GRIP1: variants seen among roughly 807,000 people sequenced by gnomAD.
GRIP1 encodes glutamate receptor-interacting protein 1.
Under a neutral mutation model 129.9 loss-of-function variants are expected in GRIP1, and 45 were observed. The ratio of observed to expected loss-of-function variants is 0.35; its 90% CI spans 0.27 to 0.44. The LOEUF (loss-of-function observed/expected upper bound fraction) is 0.44, where lower values mean the gene tolerates loss of function less well. Among genes scored for constraint, GRIP1 ranks in the 20% least tolerant of loss-of-function variants. The pLI is 1.00. For missense variants in GRIP1, 1,196 were observed against 1,396.8 expected (o/e 0.86, Z 2.29); for synonymous variants, 530 against 520.8 (o/e 1.02, Z -0.24).
chr12:66,540,545 T>C (rs987552808), intron 3 of GRIP1, among the ~76,000 whole-genome samples: 1 of 152,140 alleles, frequency 6.6e-6, no homozygotes, highest in African/African-American at 2.4e-5. Flanking sequence ...AGAAAGCAGA[T>C]TGAGGTGCTT....
chr12:66,936,116 T>C (rs746186853), intron 1 of GRIP1, among the ~76,000 whole-genome samples: 18 of 152,126 alleles, frequency 1.2e-4, no homozygotes, highest in Admixed American at 2.0e-4. Context: ...GGGCAGTGTG[T>C]CCTGATCCTA....
intron 1 of GRIP1, among the ~76,000 whole-genome samples, chr12:66,860,002 C>T (rs767535859): frequency 6.6e-6 from 1 of 152,084 alleles, no homozygotes; most frequent in Admixed American, 6.6e-5. Flanking sequence ...TCAGATGACT[C>T]ACATGCAAGA....
chr12:66,812,673 G>A (rs1224560503), intron 1 of GRIP1, among the ~76,000 whole-genome samples: 2 of 152,158 alleles, frequency 1.3e-5, no homozygotes, highest in Non-Finnish European at 2.9e-5. Context: ...AATGTCTACA[G>A]CTCTAAGGAT....
intron 1 of GRIP1, among the ~76,000 whole-genome samples, chr12:66,877,882 G>C (rs940589213): frequency 2.6e-5 from 4 of 152,052 alleles, no homozygotes; most frequent in East Asian, 1.9e-4. Flanking sequence ...GAAAATGAAA[G>C]AAGTGATGCG....
intron 1 of GRIP1, among the ~76,000 whole-genome samples, chr12:66,935,137 G>C (rs905325110): frequency 1.3e-5 from 2 of 152,100 alleles, no homozygotes; most frequent in African/African-American, 4.8e-5. Context: ...TTCTTCATAG[G>C]ACTTTTTGGC....
At chr12:66,985,580 A>C (rs1355271336) in intron 1 of GRIP1, among the ~76,000 whole-genome samples, 2 of 152,160 alleles carry the variant, frequency 1.3e-5, no homozygotes, top group African/African-American at 4.8e-5. Flanking sequence ...TGGGTACCAA[A>C]TTTGAAGCTA....
At chr12:66,847,765 A>G (rs1174113612) in intron 1 of GRIP1, among the ~76,000 whole-genome samples, 5 of 152,206 alleles carry the variant, frequency 3.3e-5, no homozygotes. Flanking sequence ...CACACATTAG[A>G]TTCATAAACA....
At chr12:66,635,618 C>T (rs1257961996) in intron 1 of GRIP1, among the ~76,000 whole-genome samples, 2 of 151,902 alleles carry the variant, frequency 1.3e-5, no homozygotes, top group East Asian at 3.9e-4. Context: ...AGGGCTTCTA[C>T]TCAACAAAAA....
chr12:66,868,817 G>A (rs1417220265), intron 1 of GRIP1, among the ~76,000 whole-genome samples: 1 of 152,150 alleles, frequency 6.6e-6, no homozygotes, highest in Non-Finnish European at 1.5e-5. Flanking sequence ...ATCCCCAGGA[G>A]TGGTTGGAAT....
intron 1 of GRIP1, among the ~76,000 whole-genome samples, chr12:66,644,009 C>T (rs1451247319): frequency 1.3e-5 from 2 of 152,044 alleles, no homozygotes; most frequent in East Asian, 3.8e-4. Flanking sequence ...CTGGGGAGGC[C>T]TTAGAATCAT....
At chr12:66,774,092 A>G (rs2037904939) in intron 1 of GRIP1, among the ~76,000 whole-genome samples, 2 of 152,194 alleles carry the variant, frequency 1.3e-5, no homozygotes, top group Non-Finnish European at 2.9e-5. Context: ...AATGAATTCA[A>G]TGAGATATTG....
intron 1 of GRIP1, among the ~76,000 whole-genome samples, chr12:66,612,187 T>C (rs1033929613): frequency 6.6e-6 from 1 of 152,188 alleles, no homozygotes; most frequent in Non-Finnish European, 1.5e-5. Flanking sequence ...CTGAGAAGTG[T>C]ATCATTAGGT....
chr12:66,444,567 AGAT>A lies in GRIP1; in HGVS notation c.1687+14_1687+16del. ...ATAACTCACATGCAGTCCACTCCTG[AGAT>A]GATATGATTATACCTGCAACATCAA... is the stretch of plus-strand genomic sequence containing the variant. On this transcript the variant is annotated intron_variant, in intron 13 of 24. Transcript: ENST00000359742. The A allele has an allele frequency of 1.2e-6, 2 of 1,607,022 alleles. No homozygotes were observed. The highest frequency in any genetic ancestry group is 1.7e-6 in the Non-Finnish European group (2 of 1,174,132).
At chr12:66,630,646 G>GT (rs1464375737) in intron 1 of GRIP1, among the ~76,000 whole-genome samples, 1 of 152,206 alleles carries the variant, frequency 6.6e-6, no homozygotes, top group Non-Finnish European at 1.5e-5. Flanking sequence ...TTATGAGACT[G>GT]TCTATGAGGG....
rs954718100 is a variant in GRIP1, at chr12:67,010,293, G to A, written c.58+58757C>T. 5.3e-5 allele frequency among the ~76,000 whole-genome samples: 8 copies of A among 152,294 alleles called. No homozygotes were observed. The East Asian group carries it at 1.3e-3, about 26-fold the overall frequency. ...TGTTCAAACAATTGACTGCACAAGT[G>A]TAAGATCTGACCTAATAGCAATTCG... is the stretch of plus-strand genomic sequence containing the variant. On this transcript the variant is annotated intron_variant, in intron 1 of 1. Transcript: ENST00000643019.
At chr12:66,743,728 C>T (rs1177031114) in intron 1 of GRIP1, among the ~76,000 whole-genome samples, 2 of 151,976 alleles carry the variant, frequency 1.3e-5, no homozygotes, top group Non-Finnish European at 1.5e-5. Flanking sequence ...CCAATAAAGC[C>T]AGACAAAGTT....
In GRIP1 at chr12:66,869,235, C is replaced by T. The variant is rs116568085; in HGVS notation, c.58+199815G>A. ...AATATTTCTTGAATTGAATCAACTC[C>T]TCACCACATAAGTAAGCACCACTGC... On this transcript the variant is annotated intron_variant, in intron 1 of 1. Transcript: ENST00000643019. 4.3e-3 allele frequency among the ~76,000 whole-genome samples: 647 copies of T among 152,048 alleles called. 4 individuals carry two copies. Among genetic ancestry groups the T allele is most frequent in the African/African-American group, 0.015 (630 of 41,484 alleles).
chr12:66,445,341 C>T lies in GRIP1; in HGVS notation c.1522G>A (p.Ala508Thr), dbSNP rs2138112487. ...TCTCACCTCTCTGCTGGGCTGTCAGCTTCGATATAGGAAATCAGAGGTGGA... is the reference window on the plus strand; with the variant it reads ...TCTCACCTCTCTGCTGGGCTGTCAGTTTCGATATAGGAAATCAGAGGTGGA... ...SSPPLISYIEADSPAERCGVL... is the reference protein window; with the variant it reads ...SSPPLISYIETDSPAERCGVL... The change falls in exon 12 of 25, where the codon GCT becomes ACT. Residue 508 changes from alanine to threonine, a missense_variant. Ala to Thr is a moderately conservative substitution (Grantham distance 58, BLOSUM62 0). Coordinates refer to ENST00000359742, the MANE Select transcript of GRIP1 (RefSeq NM_001366722.1). 1.2e-6 allele frequency: 2 copies of T among 1,614,146 alleles called. No individual in the cohort carries two copies. The highest frequency in any genetic ancestry group is 1.3e-5 in the African/African-American group (1 of 75,052).
chr12:66,377,986 A>G, intron 20 of GRIP1, among the ~76,000 whole-genome samples: 1 of 152,116 alleles, frequency 6.6e-6, no homozygotes, highest in East Asian at 1.9e-4. Flanking sequence ...CACTTATTTA[A>G]AGATCATTAT....
Sources: allele counts gnomAD v4.1 joint callset (sites outside exome capture counted in the v4.1 genomes callset), GRCh38; gene constraint gnomAD v4.1.1; transcripts MANE v1.5; gene names NCBI Gene and HGNC (gene_info 2026-07-23, HGNC 2026-07-21).